EPB41L2: variants seen among roughly 807,000 people sequenced by gnomAD.
EPB41L2 encodes the protein band 4.1-like protein 2.
A neutral mutation model predicts 113.0 loss-of-function variants in EPB41L2; 43 were observed. The ratio of observed to expected loss-of-function variants is 0.38; its 90% CI spans 0.30 to 0.49. The LOEUF is 0.49. Ranked by LOEUF, EPB41L2 falls within the 20% of genes least tolerant of loss-of-function variation. The probability of loss-of-function intolerance (pLI) is 0.95; values close to 1 mark genes in which losing one functional copy is unlikely to be tolerated. For synonymous variants in EPB41L2, 442 were observed against 436.7 expected (o/e 1.01, Z -0.15); for missense variants, 1,147 against 1,223.4 (o/e 0.94, Z 0.93).
At chr6:131,011,268 A>C (rs1319479130) in intron 1 of EPB41L2, among the ~76,000 whole-genome samples, 1 of 152,220 alleles carries the variant, frequency 6.6e-6, no homozygotes, top group East Asian at 1.9e-4. Context: ...TTCATAAAGG[A>C]TGGAGGGAAG....
At chr6:130,984,094 T>G (rs553320756) in intron 1 of EPB41L2, among the ~76,000 whole-genome samples, 1 of 152,180 alleles carries the variant, frequency 6.6e-6, no homozygotes, top group Non-Finnish European at 1.5e-5. Context: ...CATACTAGCA[T>G]AGGCCCATAC....
chr6:130,885,465 G>C (rs954483530), intron 11 of EPB41L2, among the ~76,000 whole-genome samples, 197 bp from the exon 12 acceptor site: 2 of 152,138 alleles, frequency 1.3e-5, no homozygotes, highest in Non-Finnish European at 2.9e-5. Flanking sequence ...AAAGTATTCT[G>C]AATTTTAATG....
At chr6:131,007,784 C>T (rs1785941065) in intron 1 of EPB41L2, among the ~76,000 whole-genome samples, 1 of 152,168 alleles carries the variant, frequency 6.6e-6, no homozygotes, top group Non-Finnish European at 1.5e-5. Context: ...GAACTTTGAA[C>T]TTAAGAGAGA....
chr6:130,980,226 T>C (rs1201609737), intron 1 of EPB41L2, among the ~76,000 whole-genome samples: 3 of 150,882 alleles, frequency 2.0e-5, no homozygotes, highest in African/African-American at 7.3e-5. Flanking sequence ...AAGAGGTAAG[T>C]GTAAATTAAT....
At position 131,026,956 on chromosome 6, in the gene EPB41L2, A is replaced by T. The variant is rs181942381; in HGVS notation, c.-15+36199T>A. ...CATATTCCTTTAGGTACCTCAATGC[A>T]TGTAATACATGTTACTGGTCTAAAA... On this transcript the variant is annotated intron_variant, in intron 1 of 19. Coordinates refer to ENST00000337057, the MANE Select transcript of EPB41L2 (RefSeq NM_001431.4). Among the ~76,000 whole-genome samples the T allele has an allele frequency of 1.7e-4, 26 of 152,264 alleles. No homozygotes were observed. The East Asian group carries it at 4.0e-3, about 24-fold the overall frequency.
chr6:130,924,447 C>T (rs1026116860), intron 4 of EPB41L2, among the ~76,000 whole-genome samples: 9 of 151,788 alleles, frequency 5.9e-5, no homozygotes, highest in African/African-American at 1.7e-4. Context: ...GCCACAATCT[C>T]GGCTCACTGC....
intron 1 of EPB41L2, among the ~76,000 whole-genome samples, chr6:130,974,717 C>CT (rs71030723): frequency 0.032 from 2,056 of 64,608 alleles, 258 homozygotes; most frequent in African/African-American, 0.068. Context: ...CTTTTCTTTT[C>CT]TTTTTTTTTT....
At chr6:130,867,618 G>A in intron 15 of EPB41L2, 37 bp from the exon 16 acceptor site, 1 of 1,611,298 alleles carries the variant, frequency 6.2e-7, no homozygotes, top group Non-Finnish European at 8.5e-7. Context: ...AAATTCTAGA[G>A]GTAATAAAGT....
chr6:130,867,079 A>G (rs1404491537), intron 16 of EPB41L2, among the ~76,000 whole-genome samples: 1 of 152,184 alleles, frequency 6.6e-6, no homozygotes, highest in Non-Finnish European at 1.5e-5. Flanking sequence ...CACATCCACA[A>G]TTAGATCGGA....
intron 1 of EPB41L2, among the ~76,000 whole-genome samples, chr6:131,009,252 C>T (rs182235729): frequency 4.6e-5 from 7 of 152,242 alleles, no homozygotes; most frequent in East Asian, 1.9e-4. Context: ...CCCCTTCAGT[C>T]GGCACTCATT....
intron 1 of EPB41L2, among the ~76,000 whole-genome samples, chr6:130,972,323 C>CAAAAAAAA: frequency 1.3e-5 from 1 of 76,638 alleles, no homozygotes; most frequent in Non-Finnish European, 2.4e-5. Flanking sequence ...GACTCCATCT[C>CAAAAAAAA]AAAAAAAAAA....
intron 1 of EPB41L2, among the ~76,000 whole-genome samples, chr6:130,976,107 G>A (rs1049835612): frequency 6.6e-5 from 10 of 151,968 alleles, no homozygotes; most frequent in Admixed American, 2.0e-4. Flanking sequence ...TCTACCAATC[G>A]TCATGCAAGA....
intron 1 of EPB41L2, among the ~76,000 whole-genome samples, chr6:131,049,477 C>T (rs1189912578): frequency 1.3e-5 from 2 of 152,076 alleles, no homozygotes; most frequent in East Asian, 3.8e-4. Flanking sequence ...GAAAATTTTC[C>T]AAAGAAGATG....
At chr6:130,855,158 GGCCAACATGGCGAAACCC>G (rs1779833627) in intron 19 of EPB41L2, among the ~76,000 whole-genome samples, 3 of 41,682 alleles carry the variant, frequency 7.2e-5, no homozygotes, top group Non-Finnish European at 1.7e-4. Context: ...AGACCAGCCT[GGCCAACATGGCGAAACCC>G]TGTCTCTACT....
At chr6:130,984,121 C>A (rs9388872) in intron 1 of EPB41L2, among the ~76,000 whole-genome samples, 74,248 of 151,928 alleles carry the variant, frequency 0.49, 19,451 homozygotes, top group East Asian at 0.92. Flanking sequence ...AGAATCATCA[C>A]TATCACTGTC....
intron 19 of EPB41L2, among the ~76,000 whole-genome samples, chr6:130,850,621 C>G (rs1294709392): frequency 6.6e-6 from 1 of 152,118 alleles, no homozygotes; most frequent in African/African-American, 2.4e-5. Context: ...AAGAAATTCT[C>G]TATCTCTGGG....
At chr6:130,945,575 C>G (rs769909098) in intron 3 of EPB41L2, among the ~76,000 whole-genome samples, 5 of 152,154 alleles carry the variant, frequency 3.3e-5, no homozygotes, top group Non-Finnish European at 7.3e-5. Context: ...CACATTCACT[C>G]AAGCTTCCAA....
chr6:130,942,922 G>A (rs145790455), intron 3 of EPB41L2, among the ~76,000 whole-genome samples: 1,802 of 152,264 alleles, frequency 0.012, 16 homozygotes, highest in Admixed American at 0.028. Flanking sequence ...CAAAGGACAC[G>A]AACTGATGCT....
chr6:130,955,018 G>A (rs772245611), intron 3 of EPB41L2, 87 bp downstream of exon 3: 1 of 1,185,752 alleles, frequency 8.4e-7, no homozygotes, highest in Non-Finnish European at 1.2e-6. Context: ...CTGGCTTACA[G>A]GAACTTAATA....
Sources: gnomAD v4.1 joint callset for allele counts (sites outside exome capture counted in the v4.1 genomes callset) on GRCh38, gnomAD v4.1.1 for gene constraint, MANE v1.5 for transcripts, NCBI Gene and HGNC (gene_info 2026-07-23, HGNC 2026-07-21) for gene names.